BCO1: variants seen among roughly 807,000 people sequenced by gnomAD.
The protein encoded by BCO1 is beta,beta-carotene 15,15'-dioxygenase.
Under a neutral mutation model 56.3 loss-of-function variants are expected in BCO1, and 54 were observed. That is an observed-to-expected ratio of 0.96 (90% confidence interval 0.77 to 1.20). BCO1 has a LOEUF of 1.20. Ranked by LOEUF, BCO1 falls within the 50% of genes most tolerant of loss-of-function variation. BCO1 has a pLI of 0.00. For synonymous variants in BCO1, 318 were observed against 266.1 expected, an observed-to-expected ratio of 1.20 and a Z score of -1.90; for missense variants, 801 against 690.9, an observed-to-expected ratio of 1.16 and a Z score of -1.79.
intron 2 of BCO1, among the ~76,000 whole-genome samples, chr16:81,246,043 G>A (rs556607147): frequency 6.6e-6 from 1 of 151,378 alleles, no homozygotes; most frequent in Non-Finnish European, 1.5e-5. Flanking sequence ...TTGTACTTTT[G>A]GTCTCAAACT....
chr16:81,259,935 C>G (rs1906381925), intron 3 of BCO1, 130 bp downstream of exon 3: 4 of 1,145,304 alleles, frequency 3.5e-6, no homozygotes, highest in Non-Finnish European at 5.2e-6. Context: ...TGCCCTTTAA[C>G]CAGAGGTGCT....
At chr16:81,240,009 G>C (rs1434831318) in intron 1 of BCO1, among the ~76,000 whole-genome samples, 1 of 152,048 alleles carries the variant, frequency 6.6e-6, no homozygotes, top group African/African-American at 2.4e-5. Context: ...TGATTTTCGT[G>C]AGAACATCAG....
chr16:81,259,130 C>T (rs918927723), intron 2 of BCO1, among the ~76,000 whole-genome samples: 5 of 152,180 alleles, frequency 3.3e-5, no homozygotes, highest in Non-Finnish European at 7.3e-5. Context: ...AGGAACAAAA[C>T]ATTCAAACCG....
chr16:81,251,886 G>A lies in BCO1; in HGVS notation c.193+6283G>A, dbSNP rs546077548. Among the ~76,000 whole-genome samples, 35 of 150,902 alleles carry A rather than the reference G, an allele frequency of 2.3e-4. No homozygotes were observed. The South Asian group carries it at 6.1e-3, about 26-fold the overall frequency. On this transcript the variant is annotated intron_variant, in intron 2 of 10. Transcript: ENST00000258168. ...CACACACACATATATGTGTGTGTGTGTGTGTATATATATCTATATCTTCCC... is the reference window on the plus strand; with the variant it reads ...CACACACACATATATGTGTGTGTGTATGTGTATATATATCTATATCTTCCC...
At chr16:81,268,769 G>C (rs974479624) in intron 6 of BCO1, among the ~76,000 whole-genome samples, 8 of 152,042 alleles carry the variant, frequency 5.3e-5, no homozygotes, top group Non-Finnish European at 1.0e-4. Context: ...TTTACTTGTT[G>C]GGTTTTTATT....
intron 9 of BCO1, 32 bp from the exon 10 acceptor site, chr16:81,287,263 C>T (rs780383005): frequency 4.7e-6 from 7 of 1,474,838 alleles, no homozygotes; most frequent in Admixed American, 3.3e-5. Context: ...TCAAACAAGT[C>T]ATTTATGTGT....
intron 5 of BCO1, among the ~76,000 whole-genome samples, 166 bp downstream of exon 5, chr16:81,264,953 T>C (rs762469254): frequency 2.6e-5 from 4 of 152,204 alleles, no homozygotes; most frequent in Non-Finnish European, 5.9e-5. Flanking sequence ...GAAGAGGAGA[T>C]GCTGGGATTC....
At chr16:81,277,625 C>T (rs1050650543) in intron 7 of BCO1, among the ~76,000 whole-genome samples, 2 of 152,186 alleles carry the variant, frequency 1.3e-5, no homozygotes, top group Non-Finnish European at 2.9e-5. Context: ...CTCGAATCTG[C>T]ATGGAAAACC....
At chr16:81,272,967 A>AT (rs796954071) in intron 7 of BCO1, among the ~76,000 whole-genome samples, 98 of 148,048 alleles carry the variant, frequency 6.6e-4, no homozygotes, top group Middle Eastern at 3.5e-3. Flanking sequence ...CTAAACCCCC[A>AT]TTTTTTTTTT....
chr16:81,248,805 A>T (rs1343643772), intron 2 of BCO1, among the ~76,000 whole-genome samples: 2 of 152,152 alleles, frequency 1.3e-5, no homozygotes, highest in African/African-American at 4.8e-5. Context: ...TGAAGTCGGG[A>T]GTTCAAGACC....
At chr16:81,262,406 T>C in intron 4 of BCO1, 123 bp downstream of exon 4, 1 of 1,026,726 alleles carries the variant, frequency 9.7e-7, no homozygotes, top group East Asian at 2.5e-5. Flanking sequence ...CTAACACCGT[T>C]GGATCCCGTG....
At chr16:81,244,900 G>T (rs556026338) in intron 1 of BCO1, among the ~76,000 whole-genome samples, 38 of 151,568 alleles carry the variant, frequency 2.5e-4, no homozygotes, top group African/African-American at 5.1e-4. Flanking sequence ...TTTTTGGGGG[G>T]TTTTTTTGAC....
chr16:81,241,454 G>A (rs74324342), intron 1 of BCO1, among the ~76,000 whole-genome samples: 8,751 of 152,302 alleles, frequency 0.057, 511 homozygotes, highest in African/African-American at 0.15. Context: ...GAGAGGCTGA[G>A]TGAGCCCCAA....
chr16:81,270,174 A>T lies in BCO1; in HGVS notation c.859A>T (p.Ile287Phe). Residue 287 changes from isoleucine (I) to phenylalanine (F), a missense_variant, in exon 7 of 11, where the codon ATC becomes TTC. Coordinates refer to ENST00000258168, the MANE Select transcript of BCO1 (RefSeq NM_017429.3). Reference protein sequence around the residue: ...HREEKTYIHIIDQRTRQPVQT... With the variant: ...HREEKTYIHIFDQRTRQPVQT... ...CCTTTTTCAGACTTATATCCACATC[A>T]TCGACCAAAGGACCAGGCAGCCTGT... is the stretch of plus-strand genomic sequence containing the variant. 2 of 1,614,166 alleles carry T rather than the reference A, an allele frequency of 1.2e-6. No individual in the cohort carries two copies. Among genetic ancestry groups the T allele is most frequent in the Non-Finnish European group, 1.7e-6 (2 of 1,180,042 alleles).
At chr16:81,289,741 G>A (rs1054149592) in intron 10 of BCO1, among the ~76,000 whole-genome samples, 12 of 152,252 alleles carry the variant, frequency 7.9e-5, no homozygotes, top group African/African-American at 2.4e-4. Context: ...AGATACTCTC[G>A]GCAACCCTGT....
In BCO1 at chr16:81,272,408, G is replaced by A. The variant is rs184719957; in HGVS notation, c.1101+1992G>A. On this transcript the variant is annotated intron_variant, in intron 7 of 10. Coordinates refer to ENST00000258168, the MANE Select transcript of BCO1 (RefSeq NM_017429.3). ...GCTGGGATTACAGGCGTGAGCCACC[G>A]CGCCCGGCCCAGACTGCTTTTCTAC... Among the ~76,000 whole-genome samples the A allele has an allele frequency of 2.1e-3, 317 of 152,198 alleles. 1 individual carries two copies. Among genetic ancestry groups the A allele is most frequent in the Non-Finnish European group, 2.3e-3 (155 of 68,016 alleles).
chr16:81,288,050 C>G (rs1408390838), intron 10 of BCO1, among the ~76,000 whole-genome samples: 1 of 152,062 alleles, frequency 6.6e-6, no homozygotes, highest in Non-Finnish European at 1.5e-5. Context: ...TGATGTGGCC[C>G]AAGGCCCCCA....
chr16:81,238,948 G>T lies in BCO1; in HGVS notation c.40G>T (p.Glu14Ter). ...IFGRNRKEQL[E>*]PVRAKVTGKI... ...TGGCAGGAATAGGAAAGAACAGCTGGAGCCTGTGAGGGCCAAAGTGACAGG... is the reference window on the plus strand; with the variant it reads ...TGGCAGGAATAGGAAAGAACAGCTGTAGCCTGTGAGGGCCAAAGTGACAGG... Residue 14 changes from glutamate (E) to a stop codon, truncating the protein, a stop_gained, in exon 1 of 11, where the codon GAG (glutamate) becomes TAG (stop). Coordinates refer to ENST00000258168, the MANE Select transcript of BCO1 (RefSeq NM_017429.3). LOFTEE classifies it high-confidence loss of function. 1 of 1,614,040 alleles carries T rather than the reference G, an allele frequency of 6.2e-7. No individual in the cohort carries two copies. The highest frequency in any genetic ancestry group is 8.5e-7 in the Non-Finnish European group (1 of 1,180,012).
At chr16:81,249,497 C>G (rs1310583362) in intron 2 of BCO1, among the ~76,000 whole-genome samples, 1 of 152,138 alleles carries the variant, frequency 6.6e-6, no homozygotes, top group East Asian at 1.9e-4. Context: ...ACCTCGTGAT[C>G]TGACCGCCTC....
Sources: gnomAD v4.1 joint callset for allele counts (sites outside exome capture counted in the v4.1 genomes callset) on GRCh38, gnomAD v4.1.1 for gene constraint, MANE v1.5 for transcripts, NCBI Gene and HGNC (gene_info 2026-07-23, HGNC 2026-07-21) for gene names.